Variants in TF observed in about 807,000 individuals in gnomAD.
The protein encoded by TF is transferrin, also known as serotransferrin.
A neutral mutation model predicts 82.4 loss-of-function variants in TF; 55 were observed. The observed-to-expected ratio is 0.67, with a 90% CI of 0.54 to 0.84. The LOEUF (loss-of-function observed/expected upper bound fraction) is 0.84, where lower values mean the gene tolerates loss of function less well. Among genes scored for constraint, TF ranks in the 40% least tolerant of loss-of-function variants. TF has a pLI of 0.00. For synonymous variants in TF, 332 were observed against 332.6 expected, an observed-to-expected ratio of 1.00 and a Z score of 0.02; for missense variants, 737 against 868.4, an observed-to-expected ratio of 0.85 and a Z score of 1.90.
chr3:133,781,939 C>T lies in TF; in HGVS notation c.*3319C>T, dbSNP rs1934523805. On this transcript the variant is annotated 3_prime_UTR_variant, in exon 17 of 17. Coordinates refer to ENST00000402696, the MANE Select transcript of TF (RefSeq NM_001063.4). ...TAAGATACAACAAATTGATAAAGAA[C>T]TCATACAACTCAATAGCAGGAAAAC... 6.6e-6 allele frequency: 1 copy of T among 152,036 alleles called. No individual in the cohort carries two copies. The highest frequency in any genetic ancestry group is 6.6e-5 in the Admixed American group (1 of 15,266). 9.4% of individuals were successfully genotyped at this position (152,036 alleles called of 1,614,324 possible).
At position 133,753,591 on chromosome 3, in the gene TF, T is replaced by C; in HGVS notation, c.217-4T>C. 1 of 1,613,742 alleles carries C rather than the reference T, an allele frequency of 6.2e-7. No individual in the cohort carries two copies. The highest frequency in any genetic ancestry group is 8.5e-7 in the Non-Finnish European group (1 of 1,179,632). Reference sequence around the variant, plus strand: ...TCATCCAGGACTGGCCTGTTCTCTTTCAGGCAAACGAAGCGGATGCTGTGA... The same window carrying C: ...TCATCCAGGACTGGCCTGTTCTCTTCCAGGCAAACGAAGCGGATGCTGTGA... On this transcript the variant is annotated splice_region_variant and splice_polypyrimidine_tract_variant and intron_variant, in intron 2 of 16. Coordinates refer to ENST00000402696, the MANE Select transcript of TF (RefSeq NM_001063.4).
chr3:133,677,175 C>T, the TF span, among the ~76,000 whole-genome samples: 3 of 152,184 alleles, frequency 2.0e-5, no homozygotes, highest in Non-Finnish European at 2.9e-5. Flanking sequence ...TTTCTCTATT[C>T]GGTGAGCATC....
the TF span, among the ~76,000 whole-genome samples, chr3:133,669,983 C>A: frequency 6.6e-6 from 1 of 152,158 alleles, no homozygotes; most frequent in Non-Finnish European, 1.5e-5. Flanking sequence ...TTAAATCCAA[C>A]CAATTCTGAA....
the TF span, among the ~76,000 whole-genome samples, chr3:133,671,042 T>G: frequency 6.6e-6 from 1 of 152,176 alleles, no homozygotes; most frequent in South Asian, 2.1e-4. Flanking sequence ...TGGCACAATT[T>G]GAAGTTCCAT....
chr3:133,757,381 G>A (rs1050014559), intron 7 of TF, among the ~76,000 whole-genome samples: 1 of 152,180 alleles, frequency 6.6e-6, no homozygotes, highest in Non-Finnish European at 1.5e-5. Flanking sequence ...CTGTGAGGGG[G>A]CTGCCTGCAC....
In TF at chr3:133,777,030, C is replaced by A; in HGVS notation, c.1873-19C>A. 6.2e-7 allele frequency: 1 copy of A among 1,613,662 alleles called. No individual in the cohort carries two copies. The highest frequency in any genetic ancestry group is 1.3e-5 in the African/African-American group (1 of 75,030). ...CTAAAGACCACAAGGTCCTCACGGA[C>A]TTTCTGTTCACTTGACAGCACCTAT... On this transcript the variant is annotated intron_variant, in intron 15 of 16. Transcript: ENST00000402696.
At chr3:133,693,210 A>G in the TF span, among the ~76,000 whole-genome samples, 1 of 152,114 alleles carries the variant, frequency 6.6e-6, no homozygotes, top group Non-Finnish European at 1.5e-5. Flanking sequence ...GAGGCCCTCT[A>G]AGAAAAGCCA....
At chr3:133,663,464 A>G in the TF span, among the ~76,000 whole-genome samples, 1 of 151,212 alleles carries the variant, frequency 6.6e-6, no homozygotes, top group Non-Finnish European at 1.5e-5. Flanking sequence ...AAAGCAAAAA[A>G]ACAAAAATCA....
At chr3:133,671,661 C>T in the TF span, among the ~76,000 whole-genome samples, 1 of 151,828 alleles carries the variant, frequency 6.6e-6, no homozygotes. Flanking sequence ...GGTGCTCTGT[C>T]TAATGCCTGT....
In TF at chr3:133,794,701, C is replaced by G. The variant is rs1934923796; in HGVS notation, c.*16081C>G. 1 of 152,186 alleles carries G rather than the reference C, an allele frequency of 6.6e-6. No individual in the cohort carries two copies. The highest frequency in any genetic ancestry group is 1.5e-5 in the Non-Finnish European group (1 of 68,030). The allele number at this position is 152,186 out of a possible 1,614,324, so 9.4% of individuals were successfully genotyped here. On this transcript the variant is annotated 3_prime_UTR_variant, in exon 17 of 17. Transcript: ENST00000402696. ...CCCTCCACACTCTTGGAACTGTACA[C>G]CCATTGGAACCCTTAAGGTAAAGCT...
intron 13 of TF, 93 bp from the exon 14 acceptor site, chr3:133,770,415 T>A: frequency 8.7e-7 from 1 of 1,147,072 alleles, no homozygotes; most frequent in Non-Finnish European, 1.3e-6. Context: ...TGTTTTCAGA[T>A]GGCTGTCCTG....
the TF span, among the ~76,000 whole-genome samples, chr3:133,714,016 C>A: frequency 6.6e-6 from 1 of 152,146 alleles, no homozygotes; most frequent in Non-Finnish European, 1.5e-5. Context: ...CATCAGCAAC[C>A]AGTTTTAGAA....
the TF span, among the ~76,000 whole-genome samples, chr3:133,705,229 G>A: frequency 1.1e-3 from 162 of 151,340 alleles, 1 homozygote; most frequent in South Asian, 1.5e-3. Context: ...AGCTGAGATC[G>A]TGCCATTGCA....
At chr3:133,692,798 T>C in the TF span, 1 of 152,752 alleles carries the variant, frequency 6.5e-6, no homozygotes, top group Non-Finnish European at 1.5e-5. Context: ...CATTATGTCA[T>C]TGCCATGGTG....
chr3:133,778,268 T>G (rs1934444096), intron 16 of TF: 1 of 345,750 alleles, frequency 2.9e-6, no homozygotes, highest in Admixed American at 3.9e-5. Flanking sequence ...CTTAAAGAGG[T>G]CAGGGAGGAC....
chr3:133,769,463 T>TA (rs1695641067), intron 13 of TF, among the ~76,000 whole-genome samples: 2 of 152,198 alleles, frequency 1.3e-5, no homozygotes, highest in Admixed American at 1.3e-4. Flanking sequence ...TAAACATGCT[T>TA]AAAATAAATG....
the TF span, among the ~76,000 whole-genome samples, chr3:133,674,805 A>T: frequency 0.014 from 2,197 of 152,228 alleles, 37 homozygotes; most frequent in Non-Finnish European, 0.017. Flanking sequence ...TGCTTTCTCC[A>T]CGCCGGCGCA....
the TF span, among the ~76,000 whole-genome samples, chr3:133,682,698 A>C: frequency 6.6e-6 from 1 of 152,288 alleles, no homozygotes; most frequent in East Asian, 1.9e-4. Context: ...TCCAAGAAAT[A>C]TGGGACTATG....
the TF span, among the ~76,000 whole-genome samples, chr3:133,713,305 G>A: frequency 0.023 from 3,529 of 152,318 alleles, 64 homozygotes; most frequent in African/African-American, 0.046. Context: ...TACCAACCAT[G>A]GGTTGTTGGG....
Sources: gnomAD v4.1 joint callset for allele counts (sites outside exome capture counted in the v4.1 genomes callset) on GRCh38, gnomAD v4.1.1 for gene constraint, MANE v1.5 for transcripts, NCBI Gene and HGNC (gene_info 2026-07-23, HGNC 2026-07-21) for gene names.